DLGAP1: variants seen among roughly 807,000 people sequenced by gnomAD.
The protein encoded by DLGAP1 is disks large-associated protein 1.
A neutral mutation model predicts 90.8 loss-of-function variants in DLGAP1; 11 were observed. The observed-to-expected ratio is 0.12, with a 90% CI of 0.08 to 0.20. The LOEUF (loss-of-function observed/expected upper bound fraction) is 0.20. DLGAP1 is among the 10% of genes least tolerant of loss of function. DLGAP1 has a pLI of 1.00. For synonymous variants in DLGAP1, 558 were observed against 540.7 expected, an observed-to-expected ratio of 1.03 and a Z score of -0.44; for missense variants, 1,050 against 1,333.8, an observed-to-expected ratio of 0.79 and a Z score of 3.31.
At chr18:4,073,760 T>C (rs1185220548) in intron 2 of DLGAP1, among the ~76,000 whole-genome samples, 2 of 152,056 alleles carry the variant, frequency 1.3e-5, no homozygotes, top group Non-Finnish European at 2.9e-5. Flanking sequence ...GGAGAAGATA[T>C]TTAGATATCA....
At chr18:3,741,111 AC>A (rs2062950107) in intron 6 of DLGAP1, among the ~76,000 whole-genome samples, 1 of 118,954 alleles carries the variant, frequency 8.4e-6, no homozygotes, top group Admixed American at 8.5e-5. Flanking sequence ...CATCACCATC[AC>A]CACCACCATC....
At chr18:4,202,466 T>C (rs940964761) in intron 1 of DLGAP1, among the ~76,000 whole-genome samples, 1 of 152,118 alleles carries the variant, frequency 6.6e-6, no homozygotes, top group Non-Finnish European at 1.5e-5. Flanking sequence ...CCAAAACCCC[T>C]TGTACCCCTA....
intron 10 of DLGAP1, among the ~76,000 whole-genome samples, chr18:3,523,248 A>G (rs778801544): frequency 9.9e-5 from 15 of 151,860 alleles, no homozygotes; most frequent in Non-Finnish European, 2.1e-4. Flanking sequence ...ATGGTGGTGC[A>G]TGCCTGTAAT....
chr18:4,197,199 A>AAAAAAAAAAAAAAAAAAAAAAAAAAAAG (rs1555760529), intron 1 of DLGAP1, among the ~76,000 whole-genome samples: 1 of 144,304 alleles, frequency 6.9e-6, no homozygotes, highest in African/African-American at 2.7e-5. Flanking sequence ...AAAAAAAAAA[A>AAAAAAAAAAAAAAAAAAAAAAAAAAAAG]AAAAAAAAAG....
intron 7 of DLGAP1, chr18:3,606,442 A>G (rs1461893018): frequency 1.8e-5 from 2 of 110,990 alleles, no homozygotes; most frequent in African/African-American, 8.2e-5. Context: ...TACAACAGCA[A>G]TAATACTTAT....
chr18:4,352,571 C>A (rs561662685), intron 1 of DLGAP1, among the ~76,000 whole-genome samples: 1 of 152,036 alleles, frequency 6.6e-6, no homozygotes, highest in South Asian at 2.1e-4. Flanking sequence ...ATAAAGTAGC[C>A]CCTAATGCCT....
intron 1 of DLGAP1, among the ~76,000 whole-genome samples, chr18:4,200,766 A>T (rs2144805040): frequency 6.6e-6 from 1 of 152,258 alleles, no homozygotes. Context: ...GACTAAATTT[A>T]GTATATGCTA....
At chr18:4,277,168 T>C (rs1017182769) in intron 1 of DLGAP1, among the ~76,000 whole-genome samples, 3 of 152,182 alleles carry the variant, frequency 2.0e-5, no homozygotes, top group Non-Finnish European at 4.4e-5. Context: ...TAGACGACTG[T>C]GAGAAATAGG....
intron 2 of DLGAP1, among the ~76,000 whole-genome samples, chr18:4,071,821 A>G (rs1325616578): frequency 1.3e-5 from 2 of 152,166 alleles, no homozygotes; most frequent in Non-Finnish European, 2.9e-5. Flanking sequence ...CTCTGTTCAA[A>G]TACCCATTCA....
chr18:3,696,520 A>G (rs1345372819), intron 7 of DLGAP1, among the ~76,000 whole-genome samples: 1 of 152,186 alleles, frequency 6.6e-6, no homozygotes, highest in African/African-American at 2.4e-5. Flanking sequence ...CGTATGTTGA[A>G]CCAGCCTTAC....
At position 3,496,040 on chromosome 18, in the gene DLGAP1, A is replaced by G. The variant is rs2049687749; in HGVS notation, c.*3145T>C. 1 of 152,234 alleles carries G rather than the reference A, an allele frequency of 6.6e-6. No homozygotes were observed. The allele number at this position is 152,234 out of a possible 1,614,324, so 9.4% of individuals were successfully genotyped here. A position where few individuals can be genotyped will look rare whatever the true frequency, so the allele number is the denominator to read the frequency against. On this transcript the variant is annotated 3_prime_UTR_variant, in exon 13 of 13. Transcript: ENST00000315677. ...AAACACACAGACCTGAAAGCAGTGC[A>G]TTAATTATTTTATTAATTTCTTCTT... is the stretch of plus-strand genomic sequence containing the variant.
intron 9 of DLGAP1, among the ~76,000 whole-genome samples, chr18:3,547,544 A>G (rs1345336653): frequency 6.6e-6 from 1 of 151,950 alleles, no homozygotes; most frequent in Non-Finnish European, 1.5e-5. Flanking sequence ...TTACAGATAT[A>G]TAGATCCACA....
intron 11 of DLGAP1, among the ~76,000 whole-genome samples, chr18:3,507,220 G>C (rs2050277932): frequency 6.6e-6 from 1 of 152,036 alleles, no homozygotes. Flanking sequence ...AAGTGCGATG[G>C]CGTGCCTGTA....
At position 3,729,210 on chromosome 18, in the gene DLGAP1, C is replaced by T. The variant is rs1298416995; in HGVS notation, c.1516G>A (p.Asp506Asn). 22 of 1,613,682 alleles carry T rather than the reference C, an allele frequency of 1.4e-5. No homozygotes were observed. The highest frequency in any genetic ancestry group is 1.3e-4 in the Admixed American group (8 of 59,980). ...RAIEKGCSQDDECVSLRSSSP... is the reference protein window; with the variant it reads ...RAIEKGCSQDNECVSLRSSSP... ...GACGACCTCAGGGACACGCACTCGTCGTCCTGGGAGCAGCCTTTCTCAATG... is the reference window on the plus strand; with the variant it reads ...GACGACCTCAGGGACACGCACTCGTTGTCCTGGGAGCAGCCTTTCTCAATG... The change falls in exon 7 of 13, where the codon GAC becomes AAC. Residue 506 changes from aspartate to asparagine, a missense_variant. This residue lies in a region of DLGAP1 where 565 missense variants were observed against 879.7 expected (regional missense o/e 0.64). Coordinates refer to ENST00000315677, the MANE Select transcript of DLGAP1 (RefSeq NM_004746.4). This position sits in a 1 kb window ranked among gnomAD's most constrained non-coding sequence, Gnocchi z 6.2.
chr18:3,627,584 A>G (rs2058342860), intron 7 of DLGAP1, among the ~76,000 whole-genome samples: 8 of 152,192 alleles, frequency 5.3e-5, no homozygotes, highest in Admixed American at 5.2e-4. Flanking sequence ...AAGAGCAGGT[A>G]GTTTTTGTAA....
At chr18:3,888,107 C>CA (rs1164887393) in intron 3 of DLGAP1, among the ~76,000 whole-genome samples, 2,296 of 49,258 alleles carry the variant, frequency 0.047, 201 homozygotes, top group Non-Finnish European at 0.056. Context: ...GACTCCATCT[C>CA]AAAAAAAAAA....
intron 7 of DLGAP1, among the ~76,000 whole-genome samples, chr18:3,602,255 C>CA: frequency 6.6e-6 from 1 of 152,034 alleles, no homozygotes; most frequent in East Asian, 1.9e-4. Flanking sequence ...ATTTCCCACC[C>CA]ACCAGATAAC....
At chr18:3,745,342 G>A (rs1314059192) in intron 5 of DLGAP1, among the ~76,000 whole-genome samples, 1 of 152,210 alleles carries the variant, frequency 6.6e-6, no homozygotes, top group Non-Finnish European at 1.5e-5. Flanking sequence ...TGAATTATAT[G>A]TTATGTGTAT....
At chr18:4,229,773 A>G (rs1424147712) in intron 1 of DLGAP1, among the ~76,000 whole-genome samples, 1 of 152,082 alleles carries the variant, frequency 6.6e-6, no homozygotes, top group Non-Finnish European at 1.5e-5. Context: ...AGCACAGGCA[A>G]CCAAAGCCAA....
Sources: allele counts gnomAD v4.1 joint callset (sites outside exome capture counted in the v4.1 genomes callset), GRCh38; gene constraint gnomAD v4.1.1; regional missense constraint gnomAD v4.1.1; non-coding constraint Gnocchi (gnomAD v3.1); transcripts MANE v1.5; gene names NCBI Gene and HGNC (gene_info 2026-07-23, HGNC 2026-07-21).